The following EPSTI1 variants were observed in gnomAD, a reference collection of about 807,000 sequenced individuals.
EPSTI1 encodes the protein epithelial stromal interaction 1.
Under a neutral mutation model 49.9 loss-of-function variants are expected in EPSTI1, and 66 were observed. That is an observed-to-expected ratio of 1.32 (90% CI 1.08 to 1.62). EPSTI1 has a LOEUF of 1.62. Ranked by LOEUF, EPSTI1 falls within the 40% of genes most tolerant of loss-of-function variation. EPSTI1 has a pLI of 0.00. For missense variants in EPSTI1, 394 were observed against 365.5 expected (o/e 1.08, Z -0.64); for synonymous variants, 137 against 130.7 (o/e 1.05, Z -0.33).
chr13:42,950,661 GA>G (rs145305822), intron 6 of EPSTI1, among the ~76,000 whole-genome samples: 2 of 151,874 alleles, frequency 1.3e-5, no homozygotes, highest in East Asian at 3.9e-4. Context: ...CCTCTCTACA[GA>G]AAAAAAATAC....
intron 6 of EPSTI1, among the ~76,000 whole-genome samples, chr13:42,947,789 G>A (rs921942946): frequency 4.6e-5 from 7 of 152,172 alleles, no homozygotes; most frequent in African/African-American, 1.7e-4. Context: ...CCCAAATGTG[G>A]CTTATCTCCT....
chr13:42,971,892 G>A (rs989428823), intron 1 of EPSTI1, among the ~76,000 whole-genome samples: 2 of 152,180 alleles, frequency 1.3e-5, no homozygotes, highest in Non-Finnish European at 2.9e-5. Flanking sequence ...ATCAGCAGAC[G>A]TTGCATGTGT....
intron 10 of EPSTI1, among the ~76,000 whole-genome samples, chr13:42,892,228 C>G (rs570027826): frequency 6.6e-6 from 1 of 152,294 alleles, no homozygotes; most frequent in African/African-American, 2.4e-5. Flanking sequence ...GGCTTTTACT[C>G]CAAGTGATTT....
At chr13:42,896,507 C>G (rs901648543) in intron 9 of EPSTI1, among the ~76,000 whole-genome samples, 3 of 152,308 alleles carry the variant, frequency 2.0e-5, no homozygotes, top group Non-Finnish European at 2.9e-5. Context: ...CAAACCGCTA[C>G]AAGGCTTGTT....
intron 6 of EPSTI1, among the ~76,000 whole-genome samples, chr13:42,931,589 C>T (rs1734529973): frequency 6.6e-6 from 1 of 152,234 alleles, no homozygotes; most frequent in African/African-American, 2.4e-5. Flanking sequence ...AAGATATAAA[C>T]TTCTTGTTCT....
intron 5 of EPSTI1, among the ~76,000 whole-genome samples, chr13:42,959,088 T>TGC (rs1386303423): frequency 2.0e-5 from 3 of 152,194 alleles, no homozygotes; most frequent in Non-Finnish European, 2.9e-5. Context: ...GCTTACCAAG[T>TGC]GCTAGGTATT....
Position 42,922,725 on chromosome 13 carries a change from A to G in EPSTI1, c.657+3611T>C, listed in dbSNP as rs527456649. Among the ~76,000 whole-genome samples the G allele has an allele frequency of 1.6e-4, 24 of 152,288 alleles. 1 individual carries two copies. In the South Asian group the frequency reaches 4.8e-3, roughly 30 times the overall value. On this transcript the variant is annotated intron_variant, in intron 7 of 10. Transcript: ENST00000313624. This position sits in a 1 kb window ranked among gnomAD's most constrained non-coding sequence, Gnocchi z 4.8. ...GGACACATGTTAAGTACTTTATTTG[A>G]CTTCTTAATGAATGAGCATGTGACA... is the stretch of plus-strand genomic sequence containing the variant.
At chr13:42,927,012 C>A (rs112973759) in intron 6 of EPSTI1, among the ~76,000 whole-genome samples, 36 of 151,736 alleles carry the variant, frequency 2.4e-4, no homozygotes, top group African/African-American at 7.3e-4. Flanking sequence ...CACACACACA[C>A]ACACACACAC....
chr13:42,914,684 G>C (rs547613331), intron 8 of EPSTI1, among the ~76,000 whole-genome samples: 135 of 152,134 alleles, frequency 8.9e-4, no homozygotes, highest in Non-Finnish European at 1.7e-3. Flanking sequence ...AAGCAGAAAA[G>C]GTAATATCTC....
At chr13:42,977,736 A>G (rs1260612169) in intron 1 of EPSTI1, among the ~76,000 whole-genome samples, 1 of 152,232 alleles carries the variant, frequency 6.6e-6, no homozygotes, top group Non-Finnish European at 1.5e-5. Flanking sequence ...CTATCTGTAC[A>G]ACTTTGAGCA....
intron 8 of EPSTI1, among the ~76,000 whole-genome samples, chr13:42,908,348 C>T (rs1455757074): frequency 6.6e-6 from 1 of 151,930 alleles, no homozygotes; most frequent in Non-Finnish European, 1.5e-5. Flanking sequence ...TAGCCAGGCA[C>T]GGTGGCACAC....
intron 6 of EPSTI1, 29 bp downstream of exon 6, chr13:42,953,919 G>T (rs1566151914): frequency 6.3e-7 from 1 of 1,588,660 alleles, no homozygotes; most frequent in East Asian, 2.2e-5. Flanking sequence ...TGCCTATAAA[G>T]GCACGAAGTT....
chr13:42,902,014 G>C (rs577110026), intron 8 of EPSTI1, among the ~76,000 whole-genome samples: 1 of 150,634 alleles, frequency 6.6e-6, no homozygotes, highest in East Asian at 2.0e-4. Flanking sequence ...GAGAATATGC[G>C]GTGTTTGGTT....
In EPSTI1 at chr13:42,888,286, A is replaced by T. The variant is rs1044856; in HGVS notation, c.*208T>A. On this transcript the variant is annotated 3_prime_UTR_variant, in exon 11 of 11. Coordinates refer to ENST00000313624, the MANE Select transcript of EPSTI1 (RefSeq NM_033255.5). ...ATGTAGCATTTCCCTGGCAGTAGAG[A>T]TTAAATATGAGTTCAGGAATCAGCT... 488,431 of 1,611,814 alleles carry T rather than the reference A, an allele frequency of 0.3. 79,480 individuals are homozygous for T. Among genetic ancestry groups the T allele is most frequent in the Non-Finnish European group, 0.34 (399,333 of 1,179,562 alleles).
chr13:42,926,091 G>A (rs2038167962), intron 7 of EPSTI1, among the ~76,000 whole-genome samples: 1 of 152,204 alleles, frequency 6.6e-6, no homozygotes, highest in African/African-American at 2.4e-5. Context: ...GTGGATGGGT[G>A]GGTGAATGAA....
intron 6 of EPSTI1, chr13:42,934,892 G>A (rs7331446): frequency 0.5 from 94,611 of 188,788 alleles, 23,819 homozygotes; most frequent in Middle Eastern, 0.57. Context: ...AACAAGAATG[G>A]AAGAAGTGTC....
chr13:42,951,460 C>T (rs2039093647), intron 6 of EPSTI1, among the ~76,000 whole-genome samples: 1 of 152,102 alleles, frequency 6.6e-6, no homozygotes, highest in South Asian at 2.1e-4. Context: ...TCTGTTTTTC[C>T]TGGTTAACTG....
At chr13:42,933,437 T>G (rs1047868296) in intron 6 of EPSTI1, among the ~76,000 whole-genome samples, 1 of 152,038 alleles carries the variant, frequency 6.6e-6, no homozygotes, top group Non-Finnish European at 1.5e-5. Flanking sequence ...ATATACATAT[T>G]CCTTGGTGCC....
At chr13:42,967,596 T>C (rs2039655618) in intron 3 of EPSTI1, among the ~76,000 whole-genome samples, 2 of 152,092 alleles carry the variant, frequency 1.3e-5, no homozygotes, top group South Asian at 2.1e-4. Flanking sequence ...TCAAGAACAA[T>C]GGAACCCTAA....
Sources: gnomAD v4.1 joint callset for allele counts (sites outside exome capture counted in the v4.1 genomes callset) on GRCh38, gnomAD v4.1.1 for gene constraint, Gnocchi (gnomAD v3.1) non-coding constraint, MANE v1.5 for transcripts, NCBI Gene and HGNC (gene_info 2026-07-23, HGNC 2026-07-21) for gene names.